CNTNAP4: variants seen among roughly 807,000 people sequenced by gnomAD.
CNTNAP4 encodes the protein contactin-associated protein-like 4.
In CNTNAP4, 98 loss-of-function variants were observed where a neutral mutation model predicts 148.4. The observed-to-expected ratio is 0.66, with a 90% CI of 0.56 to 0.78. The LOEUF (loss-of-function observed/expected upper bound fraction) is 0.78. Ranked by LOEUF, CNTNAP4 falls within the 30% of genes least tolerant of loss-of-function variation. CNTNAP4 has a pLI of 0.00. For synonymous variants in CNTNAP4, 730 were observed against 565.1 expected (o/e 1.29, Z -4.14); for missense variants, 1,935 against 1,565.6 (o/e 1.24, Z -3.98).
intron 8 of CNTNAP4, among the ~76,000 whole-genome samples, chr16:76,456,963 G>A (rs2080756471): frequency 6.6e-6 from 1 of 152,072 alleles, no homozygotes; most frequent in South Asian, 2.1e-4. Flanking sequence ...ATGATACTAT[G>A]CATAGAAAGC....
chr16:76,446,099 A>G (rs1040268924), intron 4 of CNTNAP4, among the ~76,000 whole-genome samples: 2 of 151,884 alleles, frequency 1.3e-5, no homozygotes, highest in African/African-American at 4.8e-5. Context: ...AAAAAATAAA[A>G]CCTCTGAGTC....
At chr16:76,397,816 T>C (rs1046770697) in intron 3 of CNTNAP4, among the ~76,000 whole-genome samples, 3 of 149,468 alleles carry the variant, frequency 2.0e-5, no homozygotes, top group Admixed American at 1.3e-4. Context: ...TGTGTGTGTG[T>C]GTAGAGCGAA....
intron 12 of CNTNAP4, among the ~76,000 whole-genome samples, chr16:76,485,789 G>A (rs942063827): frequency 1.4e-4 from 22 of 152,046 alleles, no homozygotes; most frequent in Admixed American, 1.0e-3. Flanking sequence ...AATAATAAAG[G>A]CCTTCTTAAC....
chr16:76,454,028 A>G (rs1273353872), intron 8 of CNTNAP4, among the ~76,000 whole-genome samples: 2 of 151,866 alleles, frequency 1.3e-5, no homozygotes, highest in Non-Finnish European at 2.9e-5. Flanking sequence ...GGTTATATTC[A>G]TACCCTAATT....
intron 17 of CNTNAP4, among the ~76,000 whole-genome samples, chr16:76,534,904 A>G (rs1295762248): frequency 6.6e-6 from 1 of 152,230 alleles, no homozygotes; most frequent in Non-Finnish European, 1.5e-5. Flanking sequence ...TTACCGTTAC[A>G]TCACTTATTT....
At chr16:76,392,544 T>C (rs2078062832) in intron 3 of CNTNAP4, among the ~76,000 whole-genome samples, 1 of 152,130 alleles carries the variant, frequency 6.6e-6, no homozygotes, top group Non-Finnish European at 1.5e-5. Context: ...CTCTGAATGA[T>C]TGGAACACGT....
chr16:76,465,035 C>G (rs181148245), intron 9 of CNTNAP4, among the ~76,000 whole-genome samples: 10 of 152,150 alleles, frequency 6.6e-5, no homozygotes, highest in East Asian at 3.8e-4. Context: ...TCTCACATCC[C>G]CCTCCCTTGT....
intron 3 of CNTNAP4, among the ~76,000 whole-genome samples, chr16:76,392,446 G>T (rs1165826379): frequency 1.3e-5 from 2 of 152,118 alleles, no homozygotes; most frequent in African/African-American, 2.4e-5. Context: ...AAGAAAAATA[G>T]CTACTAGAGA....
At chr16:76,298,514 G>C (rs1385903058) in intron 1 of CNTNAP4, among the ~76,000 whole-genome samples, 2 of 150,502 alleles carry the variant, frequency 1.3e-5, no homozygotes, top group African/African-American at 4.9e-5. Context: ...GTGTGTGTGT[G>C]TGTGTGTGTG....
At chr16:76,457,521 G>C (rs1178013449) in intron 8 of CNTNAP4, among the ~76,000 whole-genome samples, 1 of 152,106 alleles carries the variant, frequency 6.6e-6, no homozygotes, top group Non-Finnish European at 1.5e-5. Context: ...TTTTGTTCCT[G>C]ATCTATTTTT....
intron 17 of CNTNAP4, among the ~76,000 whole-genome samples, chr16:76,532,851 TAAAG>T (rs2084044858): frequency 6.6e-6 from 1 of 151,944 alleles, no homozygotes; most frequent in Non-Finnish European, 1.5e-5. Context: ...GGTGTGAAGA[TAAAG>T]AAGTAGCAGC....
At chr16:76,308,137 T>A (rs1960696000) in intron 1 of CNTNAP4, among the ~76,000 whole-genome samples, 1 of 152,110 alleles carries the variant, frequency 6.6e-6, no homozygotes, top group Non-Finnish European at 1.5e-5. Flanking sequence ...TTTTTTTAGA[T>A]TTAAGCCAAT....
intron 2 of CNTNAP4, among the ~76,000 whole-genome samples, chr16:76,338,685 C>A (rs1597243086): frequency 6.6e-6 from 1 of 152,176 alleles, no homozygotes; most frequent in Admixed American, 6.5e-5. Flanking sequence ...GAGGAAATGA[C>A]ATCATCTGAG....
chr16:76,504,268 G>C lies in CNTNAP4; in HGVS notation c.2365+5574G>C, dbSNP rs147981676. Among the ~76,000 whole-genome samples the C allele has an allele frequency of 6.4e-3, 974 of 152,174 alleles. 10 individuals are homozygous for C. Among genetic ancestry groups the C allele is most frequent in the African/African-American group, 0.022 (925 of 41,534 alleles). The stretch of plus-strand genomic sequence containing the variant: ...AATAGACAAATACATGAATGGAATA[G>C]AATAGAGAGCCCAAAAATAGACCCA... On this transcript the variant is annotated intron_variant, in intron 15 of 23. Coordinates refer to ENST00000611870, the MANE Select transcript of CNTNAP4 (RefSeq NM_033401.5).
At chr16:76,296,325 C>T (rs1959294052) in intron 1 of CNTNAP4, among the ~76,000 whole-genome samples, 1 of 152,146 alleles carries the variant, frequency 6.6e-6, no homozygotes, top group South Asian at 2.1e-4. Flanking sequence ...ACCTCCACCC[C>T]ACCCATTTGA....
At chr16:76,535,431 A>G (rs905302784) in intron 17 of CNTNAP4, 114 bp from the exon 18 acceptor site, 8 of 1,056,046 alleles carry the variant, frequency 7.6e-6, no homozygotes, top group Non-Finnish European at 1.1e-5. Flanking sequence ...CCAAAATTAT[A>G]TTTGCTCATC....
intron 10 of CNTNAP4, among the ~76,000 whole-genome samples, chr16:76,468,461 G>A (rs1038187737): frequency 3.9e-5 from 6 of 151,988 alleles, no homozygotes; most frequent in East Asian, 2.0e-4. Context: ...GCGACAGAGC[G>A]AGACTCTGGC....
At chr16:76,413,223 C>T (rs1258912179) in intron 3 of CNTNAP4, among the ~76,000 whole-genome samples, 3 of 151,202 alleles carry the variant, frequency 2.0e-5, no homozygotes, top group Non-Finnish European at 3.0e-5. Context: ...TGTTTGTACC[C>T]GTTAACCATC....
intron 12 of CNTNAP4, among the ~76,000 whole-genome samples, chr16:76,489,098 T>A (rs1597711118): frequency 6.6e-6 from 1 of 152,282 alleles, no homozygotes; most frequent in Non-Finnish European, 1.5e-5. Context: ...AAATGTTGAT[T>A]AAGGAGAGGT....
Sources: allele counts gnomAD v4.1 joint callset (sites outside exome capture counted in the v4.1 genomes callset), GRCh38; gene constraint gnomAD v4.1.1; transcripts MANE v1.5; gene names NCBI Gene and HGNC (gene_info 2026-07-23, HGNC 2026-07-21).